SYNE2: variants seen among roughly 807,000 people sequenced by gnomAD.
The protein encoded by SYNE2 is spectrin repeat containing nuclear envelope protein 2.
A neutral mutation model predicts 856.3 loss-of-function variants in SYNE2; 431 were observed. That is an observed-to-expected ratio of 0.50 (90% CI 0.47 to 0.55). The LOEUF (loss-of-function observed/expected upper bound fraction) is 0.55, where lower values mean the gene tolerates loss of function less well. Ranked by LOEUF, SYNE2 falls within the 20% of genes least tolerant of loss-of-function variation. The pLI, the probability that SYNE2 is intolerant of heterozygous loss-of-function variation, is 0.00. For synonymous variants in SYNE2, 2,923 were observed against 2,872.3 expected, an observed-to-expected ratio of 1.02 and a Z score of -0.56; for missense variants, 8,129 against 8,023.2, an observed-to-expected ratio of 1.01 and a Z score of -0.50.
intron 51 of SYNE2, among the ~76,000 whole-genome samples, chr14:64,069,748 G>T (rs58222836): frequency 0.035 from 5,332 of 152,172 alleles, 116 homozygotes; most frequent in Admixed American, 0.066. Flanking sequence ...CTGATACTGG[G>T]GCTCCTGAAT....
rs1400427853 is a variant in SYNE2, at chr14:63,949,940, T to C, written c.524T>C (p.Val175Ala). 1 of 1,614,014 alleles carries C rather than the reference T, an allele frequency of 6.2e-7. No individual in the cohort carries two copies. The highest frequency in any genetic ancestry group is 8.5e-7 in the Non-Finnish European group (1 of 1,180,014). ...SSPPAKKCSK[V>A]QARWQMSARK... ...CCTCCAGCTAAGAAATGCTCTAAAG[T>C]GCAAGCAAGATGGCAAATGTCTGCA... The change falls in exon 7 of 116, where the codon GTG (valine) becomes GCG (alanine). Residue 175 changes from valine (V) to alanine (A), a missense_variant. By Grantham distance (64) the Val-to-Ala change is moderately conservative (BLOSUM62 0). This residue lies in a region of SYNE2 where 2,422 missense variants were observed against 2,357.4 expected (regional missense o/e 1.03). Transcript: ENST00000555002.
intron 23 of SYNE2, 86 bp downstream of exon 23, chr14:63,995,288 A>T: frequency 7.8e-7 from 1 of 1,275,632 alleles, no homozygotes; most frequent in South Asian, 1.3e-5. Flanking sequence ...CTAGGATGAA[A>T]ACTGTTCTGA....
chr14:64,154,303 GA>G (rs1165833553), intron 85 of SYNE2, among the ~76,000 whole-genome samples: 12 of 151,850 alleles, frequency 7.9e-5, no homozygotes, highest in Admixed American at 7.2e-4. Flanking sequence ...AGCTATCAAA[GA>G]AAAAAATAGA....
At chr14:63,947,537 A>G (rs35714141) in intron 6 of SYNE2, among the ~76,000 whole-genome samples, 17,529 of 152,090 alleles carry the variant, frequency 0.12, 1,353 homozygotes, top group African/African-American at 0.21. Flanking sequence ...TCAATAGTTT[A>G]TTGAAAAGCT....
At chr14:63,925,134 T>G (rs949266065) in intron 2 of SYNE2, among the ~76,000 whole-genome samples, 4 of 151,930 alleles carry the variant, frequency 2.6e-5, no homozygotes, top group African/African-American at 9.7e-5. Flanking sequence ...AAAACCTGTC[T>G]CTAAAAATAA....
In SYNE2 at chr14:63,995,128, C is replaced by T. The variant is rs1180993618; in HGVS notation, c.2866C>T (p.Leu956Phe). The T allele has an allele frequency of 6.2e-7, 1 of 1,602,546 alleles. No individual in the cohort carries two copies. Among genetic ancestry groups the T allele is most frequent in the East Asian group, 2.2e-5 (1 of 44,612 alleles). Residue 956 changes from leucine to phenylalanine, a missense_variant, in exon 23 of 116, where the codon CTT becomes TTT. Leu to Phe is a conservative substitution (Grantham distance 22, BLOSUM62 0). Transcript: ENST00000555002. ...AAAGCTTAGTGACAATATTTTAAAACTTGAAAAGCAAATAAATAAAGAAAA... is the reference window on the plus strand; with the variant it reads ...AAAGCTTAGTGACAATATTTTAAAATTTGAAAAGCAAATAAATAAAGAAAA... ...KGKLSDNILKLEKQINKEKKL... is the reference protein window; with the variant it reads ...KGKLSDNILKFEKQINKEKKL...
intron 99 of SYNE2, among the ~76,000 whole-genome samples, chr14:64,200,135 G>T (rs1317265819): frequency 6.6e-6 from 1 of 152,182 alleles, no homozygotes; most frequent in African/African-American, 2.4e-5. Flanking sequence ...ATTGCTTTAA[G>T]TTAGAAGAGA....
In SYNE2 at chr14:64,065,320, A is replaced by C. The variant is rs1311561340; in HGVS notation, c.10213-112A>C. ...TAAAAGGATAAGAGGTGGATCATGC[A>C]ATACTTATGGAAGATTGAAATAATT... On this transcript the variant is annotated intron_variant, in intron 50 of 115. Transcript: ENST00000555002. The C allele has an allele frequency of 1.6e-5, 15 of 924,066 alleles. No homozygotes were observed. In the Admixed American group the frequency reaches 3.1e-4, roughly 19 times the overall value. 57.2% of individuals were successfully genotyped at this position (924,066 alleles called of 1,614,324 possible). A position where few individuals can be genotyped will look rare whatever the true frequency, so the allele number is the denominator to read the frequency against.
chr14:63,771,735 T>TA (rs1372596791), intron 1 of SYNE2, among the ~76,000 whole-genome samples: 1 of 151,450 alleles, frequency 6.6e-6, no homozygotes, highest in South Asian at 2.1e-4. Flanking sequence ...CTGTCTCTAC[T>TA]AAAAAAATAA....
At chr14:63,784,946 A>T (rs200473051) in intron 1 of SYNE2, among the ~76,000 whole-genome samples, 65 of 91,650 alleles carry the variant, frequency 7.1e-4, no homozygotes, top group Admixed American at 5.5e-3. Context: ...GTGGACTGTT[A>T]TTTTTTTGGG....
At chr14:63,814,039 C>T (rs1351229793) in intron 1 of SYNE2, among the ~76,000 whole-genome samples, 2 of 151,584 alleles carry the variant, frequency 1.3e-5, no homozygotes, top group African/African-American at 4.9e-5. Flanking sequence ...GCCTGGGCAA[C>T]ACAGCGAGAC....
intron 1 of SYNE2, among the ~76,000 whole-genome samples, chr14:63,765,552 T>A (rs2139690477): frequency 6.6e-6 from 1 of 152,086 alleles, no homozygotes; most frequent in East Asian, 1.9e-4. Context: ...AGAGACAGGG[T>A]TTCACTGTGT....
At chr14:64,209,872 G>A (rs1408912770) in intron 102 of SYNE2, 70 bp from the exon 103 acceptor site, 6 of 1,604,190 alleles carry the variant, frequency 3.7e-6, no homozygotes, top group Middle Eastern at 3.3e-4. Flanking sequence ...GGTCGCTTGG[G>A]ATGTAGAAGG....
chr14:64,043,181 T>C (rs1051166010), intron 45 of SYNE2, among the ~76,000 whole-genome samples: 12 of 152,200 alleles, frequency 7.9e-5, no homozygotes, highest in Non-Finnish European at 1.5e-5. Context: ...TTAGGGTATC[T>C]GGTGGAAGAA....
intron 11 of SYNE2, among the ~76,000 whole-genome samples, chr14:63,973,012 T>C (rs1041285573): frequency 7.9e-5 from 12 of 152,248 alleles, no homozygotes; most frequent in African/African-American, 2.9e-4. Context: ...CCCAGCACTT[T>C]GGGAGGCTGA....
chr14:64,110,518 T>C (rs2097797038), intron 65 of SYNE2, among the ~76,000 whole-genome samples: 1 of 151,550 alleles, frequency 6.6e-6, no homozygotes, highest in Non-Finnish European at 1.5e-5. Context: ...CTAGCTATTA[T>C]TAATTTACAG....
chr14:63,775,483 C>T (rs1234143504), intron 1 of SYNE2, among the ~76,000 whole-genome samples: 1 of 151,860 alleles, frequency 6.6e-6, no homozygotes, highest in African/African-American at 2.4e-5. Flanking sequence ...GCCATGTTGG[C>T]CAGGCTGGTC....
chr14:63,926,284 G>A (rs1046022932), intron 2 of SYNE2, among the ~76,000 whole-genome samples: 10 of 135,926 alleles, frequency 7.4e-5, no homozygotes, highest in African/African-American at 2.5e-4. Context: ...CTGTCTCTAC[G>A]AATTTCCCTA....
chr14:64,163,177 G>A (rs1161581660), intron 88 of SYNE2, among the ~76,000 whole-genome samples: 1 of 152,196 alleles, frequency 6.6e-6, no homozygotes, highest in African/African-American at 2.4e-5. Flanking sequence ...CTATTAGTCA[G>A]TGGTCACTTT....
Sources: gnomAD v4.1 joint callset for allele counts (sites outside exome capture counted in the v4.1 genomes callset) on GRCh38, gnomAD v4.1.1 for gene constraint, gnomAD v4.1.1 regional missense constraint, MANE v1.5 for transcripts, NCBI Gene and HGNC (gene_info 2026-07-23, HGNC 2026-07-21) for gene names.